The following DOCK7 variants were observed in gnomAD, a reference collection of about 807,000 sequenced individuals.
The protein encoded by DOCK7 is dedicator of cytokinesis 7.
DOCK7 carries 138 observed loss-of-function variants against 271.0 expected under a neutral mutation model. The observed-to-expected ratio is 0.51, with a 90% confidence interval of 0.44 to 0.59. The LOEUF (loss-of-function observed/expected upper bound fraction) is 0.59. Among genes scored for constraint, DOCK7 ranks in the 20% least tolerant of loss-of-function variants. The pLI is 0.00. For synonymous variants in DOCK7, 823 were observed against 876.1 expected (o/e 0.94, Z 1.07); for missense variants, 2,066 against 2,592.4 (o/e 0.80, Z 4.41).
intron 18 of DOCK7, among the ~76,000 whole-genome samples, chr1:62,570,441 T>C (rs931531665): frequency 7.9e-5 from 12 of 152,154 alleles, no homozygotes; most frequent in Non-Finnish European, 1.5e-4. Flanking sequence ...TGCTCATGGA[T>C]AGGAAGAATC....
intron 33 of DOCK7, among the ~76,000 whole-genome samples, chr1:62,513,220 G>C (rs1193284209): frequency 1.6e-5 from 2 of 126,116 alleles, no homozygotes; most frequent in Non-Finnish European, 3.2e-5. Flanking sequence ...ACTTTCTAGA[G>C]AACGTTTTCT....
intron 22 of DOCK7, among the ~76,000 whole-genome samples, chr1:62,548,749 G>T (rs1236932228): frequency 6.6e-6 from 1 of 152,090 alleles, no homozygotes; most frequent in Non-Finnish European, 1.5e-5. Flanking sequence ...GCAACATTCT[G>T]GTTGCTATGT....
chr1:62,560,299 T>G (rs1003069168), intron 19 of DOCK7, among the ~76,000 whole-genome samples: 11 of 152,192 alleles, frequency 7.2e-5, no homozygotes, highest in Admixed American at 3.9e-4. Flanking sequence ...AATACTTGCT[T>G]CTTCTCCCTG....
intron 7 of DOCK7, among the ~76,000 whole-genome samples, chr1:62,639,455 G>A (rs1375408119): frequency 2.2e-5 from 1 of 44,496 alleles, no homozygotes; most frequent in Non-Finnish European, 3.7e-5. Flanking sequence ...TTTTTTTTGA[G>A]ATGGAGTCTC....
chr1:62,688,347 T>C lies in DOCK7; in HGVS notation c.-83A>G, dbSNP rs1440175940. ...CGGGCGCGTGCCTCCTCGCTCGTGC[T>C]CCCTCCCTCGCGGCCTCCGCCAGTC... On this transcript the variant is annotated 5_prime_UTR_variant, in exon 1 of 50. Transcript: ENST00000635253. 5 of 958,392 alleles carry C rather than the reference T, an allele frequency of 5.2e-6. No individual in the cohort carries two copies. Among genetic ancestry groups the C allele is most frequent in the Non-Finnish European group, 6.6e-6 (5 of 757,222 alleles). The allele number at this position is 958,392 out of a possible 1,614,324, so 59.4% of individuals were successfully genotyped here.
chr1:62,542,403 G>A (rs1185863998), intron 25 of DOCK7, among the ~76,000 whole-genome samples: 1 of 152,068 alleles, frequency 6.6e-6, no homozygotes, highest in Non-Finnish European at 1.5e-5. Flanking sequence ...GAGTTAAAAT[G>A]AGCCTCACTC....
intron 37 of DOCK7, among the ~76,000 whole-genome samples, 199 bp downstream of exon 37, chr1:62,504,431 A>ATACG (rs1331898707): frequency 1.3e-5 from 2 of 152,162 alleles, no homozygotes; most frequent in Non-Finnish European, 2.9e-5. Flanking sequence ...ACATACATAC[A>ATACG]TACGTACACA....
In DOCK7 at chr1:62,562,795, G is replaced by A. The variant is rs113181862; in HGVS notation, c.2113-1092C>T. Among the ~76,000 whole-genome samples the A allele has an allele frequency of 3.6e-3, 549 of 152,088 alleles. 5 individuals are homozygous for A. The highest frequency in any genetic ancestry group is 4.5e-3 in the Non-Finnish European group (303 of 67,984). Reference sequence around the variant, plus strand: ...CTAGAGAGGATGGCAACCCAGAAACGCCAAAAGAAGTGGAGAAACAAAGCC... The same window carrying A: ...CTAGAGAGGATGGCAACCCAGAAACACCAAAAGAAGTGGAGAAACAAAGCC... On this transcript the variant is annotated intron_variant, in intron 18 of 49. Transcript: ENST00000635253.
intron 10 of DOCK7, among the ~76,000 whole-genome samples, chr1:62,632,047 G>A (rs999471688): frequency 6.6e-6 from 1 of 152,188 alleles, no homozygotes; most frequent in Admixed American, 6.5e-5. Context: ...CAAACATCAA[G>A]AGGTGGCCTG....
intron 27 of DOCK7, 128 bp downstream of exon 27, chr1:62,539,417 C>A: frequency 1.4e-6 from 1 of 730,574 alleles, no homozygotes; most frequent in Non-Finnish European, 2.2e-6. Flanking sequence ...AAATATGTTA[C>A]TTTGGCTACT....
At chr1:62,490,873 G>C (rs1646446272) in intron 41 of DOCK7, among the ~76,000 whole-genome samples, 1 of 152,068 alleles carries the variant, frequency 6.6e-6, no homozygotes, top group African/African-American at 2.4e-5. Context: ...AAGGTCCTTA[G>C]AGGCAAACAT....
At chr1:62,658,637 C>T (rs1003029895) in intron 2 of DOCK7, among the ~76,000 whole-genome samples, 14 of 151,906 alleles carry the variant, frequency 9.2e-5, no homozygotes, top group Non-Finnish European at 1.8e-4. Flanking sequence ...AATTTTAGAT[C>T]CTGCAAATAT....
chr1:62,671,859 G>A (rs1207853440), intron 1 of DOCK7, among the ~76,000 whole-genome samples: 4 of 151,694 alleles, frequency 2.6e-5, no homozygotes, highest in African/African-American at 4.8e-5. Flanking sequence ...TCTCTAATGT[G>A]TCTTTAGCAT....
intron 14 of DOCK7, among the ~76,000 whole-genome samples, chr1:62,615,022 A>G (rs1652267633): frequency 6.6e-6 from 1 of 151,876 alleles, no homozygotes. Flanking sequence ...GTAATTCCTA[A>G]AAATGAAACA....
At chr1:62,496,944 T>A (rs1052441327) in intron 37 of DOCK7, among the ~76,000 whole-genome samples, 15 of 152,158 alleles carry the variant, frequency 9.9e-5, no homozygotes, top group African/African-American at 3.4e-4. Flanking sequence ...TAAGGTAGAA[T>A]CTTTTGGAGT....
Position 62,665,758 on chromosome 1 carries a change from C to T in DOCK7, c.39-2628G>A, listed in dbSNP as rs188984940. ...AAAAAAAGGACACAAAATAAACTTT[C>T]TACCTCCCTCATTGCTACTCACCTC... is the stretch of plus-strand genomic sequence containing the variant. On this transcript the variant is annotated intron_variant, in intron 1 of 49. Coordinates refer to ENST00000635253, the MANE Select transcript of DOCK7 (RefSeq NM_001367561.1). Among the ~76,000 whole-genome samples, 749 of 145,038 alleles carry T rather than the reference C, an allele frequency of 5.2e-3. 8 individuals are homozygous for T. Among genetic ancestry groups the T allele is most frequent in the African/African-American group, 0.018 (709 of 39,706 alleles).
At chr1:62,621,375 T>G (rs896115706) in intron 12 of DOCK7, among the ~76,000 whole-genome samples, 1 of 152,222 alleles carries the variant, frequency 6.6e-6, no homozygotes, top group Admixed American at 6.5e-5. Flanking sequence ...ACAATTAAAA[T>G]AGCTAGAGTT....
intron 21 of DOCK7, among the ~76,000 whole-genome samples, chr1:62,553,400 A>AT (rs67238730): frequency 1.8e-5 from 2 of 109,426 alleles, no homozygotes; most frequent in African/African-American, 7.4e-5. Flanking sequence ...GGCAGGTGCC[A>AT]TTTTTTTTTT....
At chr1:62,671,173 T>TA (rs373999976) in intron 1 of DOCK7, among the ~76,000 whole-genome samples, 113 of 152,220 alleles carry the variant, frequency 7.4e-4, no homozygotes, top group African/African-American at 2.6e-3. Context: ...CGCGCCACCT[T>TA]AAGAGCTGTA....
Sources: gnomAD v4.1 joint callset for allele counts (sites outside exome capture counted in the v4.1 genomes callset) on GRCh38, gnomAD v4.1.1 for gene constraint, MANE v1.5 for transcripts, NCBI Gene and HGNC (gene_info 2026-07-23, HGNC 2026-07-21) for gene names.